The following UNC5C variants were observed in gnomAD, a reference collection of about 807,000 sequenced individuals.
UNC5C encodes unc-5 netrin receptor C, also known as netrin receptor UNC5C.
In UNC5C, 47 loss-of-function variants were observed where a neutral mutation model predicts 99.8. The observed-to-expected ratio is 0.47, with a 90% CI of 0.37 to 0.60. The LOEUF is 0.60. Ranked by LOEUF, UNC5C falls within the 20% of genes least tolerant of loss-of-function variation. UNC5C has a pLI of 0.00. For missense variants in UNC5C, 1,062 were observed against 1,165.9 expected, an observed-to-expected ratio of 0.91 and a Z score of 1.30; for synonymous variants, 487 against 452.2, an observed-to-expected ratio of 1.08 and a Z score of -0.98.
At chr4:95,530,066 CTTAAGT>C (rs1235795215) in intron 1 of UNC5C, among the ~76,000 whole-genome samples, 2 of 152,036 alleles carry the variant, frequency 1.3e-5, no homozygotes, top group Non-Finnish European at 2.9e-5. Flanking sequence ...TCAAGTGTGA[CTTAAGT>C]TTATTTTTAT....
chr4:95,311,600 G>A lies in UNC5C; in HGVS notation c.347-9851C>T, dbSNP rs553923571. Reference sequence around the variant, plus strand: ...GTTAACGAAAGTGGGGCATAGTAATGTGTTCGTGGAAATCTAGTTAACTAT... The same window carrying A: ...GTTAACGAAAGTGGGGCATAGTAATATGTTCGTGGAAATCTAGTTAACTAT... On this transcript the variant is annotated intron_variant, in intron 2 of 15. Transcript: ENST00000453304. Among the ~76,000 whole-genome samples the A allele has an allele frequency of 9.9e-5, 15 of 152,278 alleles. No homozygotes were observed. In the South Asian group the frequency reaches 2.3e-3, roughly 23 times the overall value.
At chr4:95,359,213 C>G (rs1744306798) in intron 1 of UNC5C, among the ~76,000 whole-genome samples, 2 of 152,076 alleles carry the variant, frequency 1.3e-5, no homozygotes, top group Admixed American at 6.6e-5. Context: ...TGGGGCTATG[C>G]CATGGCTTAA....
chr4:95,444,033 T>C (rs1369926943), intron 1 of UNC5C, among the ~76,000 whole-genome samples: 3 of 152,206 alleles, frequency 2.0e-5, no homozygotes, highest in Non-Finnish European at 2.9e-5. Flanking sequence ...AGATGGCTAT[T>C]AATATAGCGC....
At chr4:95,384,992 AAG>A in intron 1 of UNC5C, among the ~76,000 whole-genome samples, 1 of 151,094 alleles carries the variant, frequency 6.6e-6, no homozygotes, top group Non-Finnish European at 1.5e-5. Context: ...TAAAAAGGAG[AAG>A]AGACAGGAGT....
intron 12 of UNC5C, among the ~76,000 whole-genome samples, chr4:95,191,606 C>T (rs1194450428): frequency 1.3e-5 from 2 of 150,700 alleles, no homozygotes; most frequent in East Asian, 4.0e-4. Context: ...GCTCTCCCTC[C>T]TTCCCTGCTC....
chr4:95,431,042 C>T (rs774234373), intron 1 of UNC5C, among the ~76,000 whole-genome samples: 4 of 152,100 alleles, frequency 2.6e-5, no homozygotes, highest in Non-Finnish European at 5.9e-5. Context: ...GTACCATTTT[C>T]TCTCTAGCCC....
chr4:95,497,864 A>G (rs1721671574), intron 1 of UNC5C, among the ~76,000 whole-genome samples: 1 of 151,938 alleles, frequency 6.6e-6, no homozygotes, highest in Admixed American at 6.6e-5. Flanking sequence ...CAAAATTGTC[A>G]TTTATTCCTC....
chr4:95,264,094 A>G (rs1740344521), intron 4 of UNC5C, among the ~76,000 whole-genome samples: 1 of 152,192 alleles, frequency 6.6e-6, no homozygotes, highest in Non-Finnish European at 1.5e-5. Flanking sequence ...TTTCTTTCTC[A>G]GGCAATATGC....
intron 4 of UNC5C, among the ~76,000 whole-genome samples, chr4:95,254,887 G>A (rs1739897366): frequency 6.6e-6 from 1 of 152,048 alleles, no homozygotes; most frequent in African/African-American, 2.4e-5. Context: ...CCAATGTCTA[G>A]CTTTATATAT....
intron 1 of UNC5C, among the ~76,000 whole-genome samples, chr4:95,481,068 T>C (rs1478853990): frequency 2.0e-5 from 3 of 151,102 alleles, no homozygotes; most frequent in African/African-American, 7.3e-5. Context: ...GAAGTCAAAT[T>C]GTCCCTGTTT....
At chr4:95,455,315 C>A (rs773308626) in intron 1 of UNC5C, among the ~76,000 whole-genome samples, 1 of 152,046 alleles carries the variant, frequency 6.6e-6, no homozygotes, top group African/African-American at 2.4e-5. Flanking sequence ...GTTGTTCCCT[C>A]CCCATTAACA....
At chr4:95,496,681 T>C (rs189660485) in intron 1 of UNC5C, among the ~76,000 whole-genome samples, 2 of 139,380 alleles carry the variant, frequency 1.4e-5, no homozygotes, top group African/African-American at 2.8e-5. Flanking sequence ...ATTTGTACTT[T>C]TTTAATTTTT....
chr4:95,389,416 G>T (rs1745295069), intron 1 of UNC5C, among the ~76,000 whole-genome samples: 1 of 152,122 alleles, frequency 6.6e-6, no homozygotes, highest in South Asian at 2.1e-4. Context: ...ATGGATAGAT[G>T]AACTTTTTAT....
chr4:95,234,368 C>T (rs1392815019), intron 7 of UNC5C, among the ~76,000 whole-genome samples: 1 of 139,752 alleles, frequency 7.2e-6, no homozygotes, highest in African/African-American at 2.7e-5. Flanking sequence ...AACAAACACG[C>T]CAAATCGCTT....
chr4:95,219,297 G>A lies in UNC5C; in HGVS notation c.1317C>T (p.Pro439=). The change falls in exon 9 of 16, where the codon CCC becomes CCT. Residue 439 remains proline (P), a synonymous_variant. Coordinates refer to ENST00000453304, the MANE Select transcript of UNC5C (RefSeq NM_003728.4). ...TGGCTGCAGCTGACGTGAGGTCTGG[G>A]GGTACAGCCAGCAGATCTGAGTCAG... The part of the protein sequence containing the change: ...KAARQDLLAV[P]PDLTSAAAMY... The A allele has an allele frequency of 1.2e-6, 2 of 1,613,564 alleles. No individual in the cohort carries two copies. The highest frequency in any genetic ancestry group is 1.7e-6 in the Non-Finnish European group (2 of 1,179,626).
intron 5 of UNC5C, 146 bp downstream of exon 5, chr4:95,250,335 CGGTCAT>C: frequency 2.7e-6 from 2 of 750,708 alleles, no homozygotes; most frequent in Non-Finnish European, 4.2e-6. Context: ...GAGTGAGCTA[CGGTCAT>C]GCCATTGCAC....
At chr4:95,343,028 G>T (rs1327987848) in intron 1 of UNC5C, among the ~76,000 whole-genome samples, 1 of 152,028 alleles carries the variant, frequency 6.6e-6, no homozygotes, top group Non-Finnish European at 1.5e-5. Context: ...GATTCTTAAG[G>T]TTTCTGACTC....
chr4:95,347,399 A>C (rs2149427116), intron 1 of UNC5C, among the ~76,000 whole-genome samples: 1 of 152,018 alleles, frequency 6.6e-6, no homozygotes, highest in South Asian at 2.1e-4. Flanking sequence ...ACAGAAATAG[A>C]AAAAAAATGC....
chr4:95,260,400 G>A (rs1240873961), intron 4 of UNC5C, among the ~76,000 whole-genome samples: 1 of 152,160 alleles, frequency 6.6e-6, no homozygotes, highest in South Asian at 2.1e-4. Flanking sequence ...GACTGGGGTG[G>A]CAGGTATTAG....
Sources: gnomAD v4.1 joint callset for allele counts (sites outside exome capture counted in the v4.1 genomes callset) on GRCh38, gnomAD v4.1.1 for gene constraint, MANE v1.5 for transcripts, NCBI Gene and HGNC (gene_info 2026-07-23, HGNC 2026-07-21) for gene names.